Variants in PLD1 observed in about 807,000 individuals in gnomAD.
PLD1 encodes the protein phospholipase D1.
PLD1 carries 112 observed loss-of-function variants against 137.1 expected under a neutral mutation model. The observed-to-expected ratio is 0.82, with a 90% CI of 0.70 to 0.96. The LOEUF is 0.96. Ranked by LOEUF, PLD1 falls within the 40% of genes least tolerant of loss-of-function variation. The pLI is 0.00. For synonymous variants in PLD1, 431 were observed against 454.7 expected (o/e 0.95, Z 0.66); for missense variants, 1,321 against 1,342.0 (o/e 0.98, Z 0.24).
At chr3:171,707,259 A>G (rs1359221419) in intron 11 of PLD1, among the ~76,000 whole-genome samples, 1 of 152,208 alleles carries the variant, frequency 6.6e-6, no homozygotes, top group East Asian at 1.9e-4. Context: ...TTCCCATGCT[A>G]CAAGTTTACC....
chr3:171,743,842 T>A (rs529271539), intron 1 of PLD1, among the ~76,000 whole-genome samples: 1 of 152,294 alleles, frequency 6.6e-6, no homozygotes, highest in East Asian at 1.9e-4. Context: ...GTTAGAGTCA[T>A]GGGCATTCAC....
intron 1 of PLD1, among the ~76,000 whole-genome samples, chr3:171,808,429 A>G (rs1361290264): frequency 5.3e-5 from 8 of 151,938 alleles, no homozygotes; most frequent in Non-Finnish European, 8.8e-5. Context: ...CCAGCTACTC[A>G]GGAGGCTGAG....
chr3:171,609,380 C>A (rs576143637), intron 25 of PLD1, among the ~76,000 whole-genome samples: 42 of 152,226 alleles, frequency 2.8e-4, no homozygotes, highest in East Asian at 7.7e-4. Context: ...AACAATCCCA[C>A]AACTGGGTAT....
chr3:171,676,706 T>A lies in PLD1; in HGVS notation c.2115+9A>T, dbSNP rs1042934940. Reference sequence around the variant, plus strand: ...ATGTGGATAAATCATGATAGCAACATCCAAGTACTTTTGTGAAGTTCCAGC... The same window carrying A: ...ATGTGGATAAATCATGATAGCAACAACCAAGTACTTTTGTGAAGTTCCAGC... On this transcript the variant is annotated intron_variant, in intron 18 of 26. Transcript: ENST00000351298. 2 of 1,602,338 alleles carry A rather than the reference T, an allele frequency of 1.2e-6. No homozygotes were observed. Among genetic ancestry groups the A allele is most frequent in the Non-Finnish European group, 1.7e-6 (2 of 1,169,322 alleles).
intron 1 of PLD1, among the ~76,000 whole-genome samples, chr3:171,785,778 C>T (rs927402498): frequency 6.6e-6 from 1 of 152,198 alleles, no homozygotes; most frequent in African/African-American, 2.4e-5. Flanking sequence ...TCAACTTGGA[C>T]TGGCCACATT....
chr3:171,738,019 G>T lies in PLD1; in HGVS notation c.33C>A (p.Thr11=). 1 of 1,613,652 alleles carries T rather than the reference G, an allele frequency of 6.2e-7. No individual in the cohort carries two copies. Among genetic ancestry groups the T allele is most frequent in the Non-Finnish European group, 8.5e-7 (1 of 1,179,756 alleles). Residue 11 remains threonine, a synonymous_variant, in exon 2 of 27, where the codon ACC becomes ACA. Coordinates refer to ENST00000351298, the MANE Select transcript of PLD1 (RefSeq NM_002662.5). ...CAGCAGCAATTTTCTGCAGTGCAGAGGTATTTACCCGTGGCTCGTTTTTCA... is the reference window on the plus strand; with the variant it reads ...CAGCAGCAATTTTCTGCAGTGCAGATGTATTTACCCGTGGCTCGTTTTTCA... MSLKNEPRVN[T]SALQKIAADM... is the part of the protein sequence containing the mutation.
rs1252993566 is a variant in PLD1 at position 171,600,869 on chromosome 3, T to C, written c.*2209A>G. 1 of 152,234 alleles carries C rather than the reference T, an allele frequency of 6.6e-6. No homozygotes were observed. The highest frequency in any genetic ancestry group is 1.5e-5 in the Non-Finnish European group (1 of 68,034). The allele number at this position is 152,234 out of a possible 1,614,324, so 9.4% of individuals were successfully genotyped here. A position where few individuals can be genotyped will look rare whatever the true frequency, so the allele number is the denominator to read the frequency against. On this transcript the variant is annotated 3_prime_UTR_variant, in exon 27 of 27. Transcript: ENST00000351298. ...TCTCCTTCACCTTGTTTATTAATTC[T>C]ACAAGCATTTATTGCCATCTCCTAT...
At chr3:171,668,666 T>C (rs1253304606) in intron 19 of PLD1, among the ~76,000 whole-genome samples, 1 of 152,072 alleles carries the variant, frequency 6.6e-6, no homozygotes, top group Admixed American at 6.6e-5. Flanking sequence ...GAAGACATTA[T>C]TCCAGTAGAG....
chr3:171,790,789 A>G (rs1171654979), intron 1 of PLD1, among the ~76,000 whole-genome samples: 4 of 152,226 alleles, frequency 2.6e-5, no homozygotes, highest in Non-Finnish European at 5.9e-5. Context: ...GATGACTTCT[A>G]GAGCCGTCAT....
chr3:171,734,740 A>G, intron 5 of PLD1, 125 bp downstream of exon 5: 1 of 620,604 alleles, frequency 1.6e-6, no homozygotes, highest in South Asian at 2.1e-5. Flanking sequence ...AAGCTAAACC[A>G]GCCTGGGGAT....
intron 21 of PLD1, among the ~76,000 whole-genome samples, chr3:171,656,156 T>TTTTTTTTATTTATTTATTTA (rs1553810398): frequency 6.5e-4 from 95 of 145,428 alleles, no homozygotes; most frequent in Middle Eastern, 3.5e-3. Flanking sequence ...AATACTATAA[T>TTTTTTTTATTTATTTATTTA]TTTATTTATT....
intron 12 of PLD1, 78 bp from the exon 13 acceptor site, chr3:171,692,520 T>G (rs1417945289): frequency 2.6e-6 from 2 of 759,542 alleles, no homozygotes; most frequent in East Asian, 5.0e-5. Context: ...TCCTTTGCAC[T>G]GTACTTTCTT....
intron 23 of PLD1, among the ~76,000 whole-genome samples, chr3:171,626,988 G>A (rs1734171001): frequency 6.6e-6 from 1 of 151,986 alleles, no homozygotes; most frequent in Admixed American, 6.6e-5. Flanking sequence ...ATAATGACAG[G>A]ATCAAATTCA....
chr3:171,760,604 G>A (rs1721328494), intron 1 of PLD1, among the ~76,000 whole-genome samples: 2 of 152,242 alleles, frequency 1.3e-5, no homozygotes, highest in South Asian at 4.1e-4. Context: ...GGGAAGCACA[G>A]CAAAGTCTGG....
chr3:171,786,179 T>C (rs1262747459), intron 1 of PLD1, among the ~76,000 whole-genome samples: 1 of 152,202 alleles, frequency 6.6e-6, no homozygotes, highest in Non-Finnish European at 1.5e-5. Context: ...AGAAGAATAA[T>C]TACCCACCAA....
Position 171,709,672 on chromosome 3 carries a change from G to A in PLD1, c.949C>T (p.Arg317Trp), listed in dbSNP as rs371154750. The A allele has an allele frequency of 4.5e-5, 72 of 1,613,852 alleles. No homozygotes were observed. Among genetic ancestry groups the A allele is most frequent in the Middle Eastern group, 1.6e-4 (1 of 6,062 alleles). Reference protein sequence around the residue: ...ILKCNSYRHARWWGGAIEEFI... With the variant: ...ILKCNSYRHAWWWGGAIEEFI... ...TCTTCTATAGCCCCTCCCCACCACC[G>A]AGCATGTCTATAGCTGTTGCATTTT... is the stretch of plus-strand genomic sequence containing the variant. The change falls in exon 10 of 27, where the codon CGG (arginine) becomes TGG (tryptophan). Residue 317 changes from arginine to tryptophan, a missense_variant. Arg to Trp is a moderately radical substitution (Grantham distance 101, BLOSUM62 -3). Coordinates refer to ENST00000351298, the MANE Select transcript of PLD1 (RefSeq NM_002662.5).
intron 1 of PLD1, among the ~76,000 whole-genome samples, chr3:171,804,270 A>G (rs948200025): frequency 2.6e-5 from 4 of 152,228 alleles, no homozygotes; most frequent in Non-Finnish European, 5.9e-5. Flanking sequence ...AAAAAGATCA[A>G]TGAAGTGAGT....
Position 171,687,433 on chromosome 3 carries a change from T to C in PLD1, c.1691A>G (p.Lys564Arg), listed in dbSNP as rs1714685582. 1 of 1,614,040 alleles carries C rather than the reference T, an allele frequency of 6.2e-7. No homozygotes were observed. The highest frequency in any genetic ancestry group is 1.1e-5 in the South Asian group (1 of 91,084). Residue 564 changes from lysine to arginine, a missense_variant, in exon 15 of 27, where the codon AAG becomes AGG. Transcript: ENST00000351298. ...GTGCAGGTGGTGCCTGTGGAGCTGC[T>C]TGTAGAGACTAAATTTGGAGAACTT... ...PRKFSKFSLY[K>R]QLHRHHLHDA...
intron 1 of PLD1, among the ~76,000 whole-genome samples, chr3:171,786,783 A>G (rs976202253): frequency 2.0e-5 from 3 of 152,112 alleles, no homozygotes; most frequent in African/African-American, 7.2e-5. Flanking sequence ...AATATCACAA[A>G]ATATCTCATC....
Sources: allele counts gnomAD v4.1 joint callset (sites outside exome capture counted in the v4.1 genomes callset), GRCh38; gene constraint gnomAD v4.1.1; transcripts MANE v1.5; gene names NCBI Gene and HGNC (gene_info 2026-07-23, HGNC 2026-07-21).